The following GLIS3 variants were observed in gnomAD, a reference collection of about 807,000 sequenced individuals.
The protein encoded by GLIS3 is GLIS family zinc finger 3, also known as zinc finger protein GLIS3.
In GLIS3, 53 loss-of-function variants were observed where a neutral mutation model predicts 78.6. That is an observed-to-expected ratio of 0.67 (90% CI 0.54 to 0.85). The LOEUF (loss-of-function observed/expected upper bound fraction) is 0.85, where lower values mean the gene tolerates loss of function less well. Among genes scored for constraint, GLIS3 ranks in the 40% least tolerant of loss-of-function variants. The pLI is 0.00. For synonymous variants in GLIS3, 684 were observed against 509.9 expected, an observed-to-expected ratio of 1.34 and a Z score of -4.60; for missense variants, 1,703 against 1,231.1, an observed-to-expected ratio of 1.38 and a Z score of -5.74.
chr9:4,470,281 C>A, the GLIS3 span, among the ~76,000 whole-genome samples: 6 of 151,996 alleles, frequency 3.9e-5, no homozygotes, highest in African/African-American at 1.5e-4. Flanking sequence ...TGATTGCAAA[C>A]CCTGGCAGAG....
At chr9:4,189,539 T>A (rs1298462132) in intron 2 of GLIS3, among the ~76,000 whole-genome samples, 2 of 152,202 alleles carry the variant, frequency 1.3e-5, no homozygotes, top group African/African-American at 4.8e-5. Context: ...GTTCAATTCC[T>A]GGGTATCGTT....
chr9:4,002,926 C>T (rs1821231116), intron 4 of GLIS3, among the ~76,000 whole-genome samples: 1 of 152,238 alleles, frequency 6.6e-6, no homozygotes, highest in African/African-American at 2.4e-5. Context: ...TCCACAACGA[C>T]ATGGCTCTGA....
chr9:3,934,605 C>T (rs560666097), intron 5 of GLIS3, among the ~76,000 whole-genome samples: 50 of 152,268 alleles, frequency 3.3e-4, no homozygotes, highest in Non-Finnish European at 5.6e-4. Flanking sequence ...GATGGCGTTT[C>T]GCCATGTTGG....
chr9:4,470,025 A>G, the GLIS3 span, among the ~76,000 whole-genome samples: 2 of 152,234 alleles, frequency 1.3e-5, no homozygotes, highest in Admixed American at 1.3e-4. Context: ...AAATTCCTGG[A>G]CACATACACC....
chr9:3,932,558 G>A (rs1051918362), intron 5 of GLIS3, 88 bp from the exon 6 acceptor site: 12 of 939,302 alleles, frequency 1.3e-5, no homozygotes, highest in African/African-American at 6.5e-5. Flanking sequence ...TGACTTCAGA[G>A]CATGAACTGT....
chr9:4,165,108 G>A (rs1002466245), intron 2 of GLIS3, among the ~76,000 whole-genome samples: 1 of 152,102 alleles, frequency 6.6e-6, no homozygotes, highest in African/African-American at 2.4e-5. Flanking sequence ...GAGAACAGAG[G>A]CTGGAGGGGC....
the GLIS3 span, among the ~76,000 whole-genome samples, chr9:4,402,950 A>T: frequency 2.0e-5 from 3 of 152,224 alleles, no homozygotes; most frequent in African/African-American, 7.2e-5. Context: ...AGATATCAAC[A>T]TTCAAGTATG....
chr9:4,159,400 C>T (rs1344784065), intron 2 of GLIS3, among the ~76,000 whole-genome samples: 1 of 152,164 alleles, frequency 6.6e-6, no homozygotes, highest in Non-Finnish European at 1.5e-5. Context: ...GGAGAAGGTA[C>T]TTATAGTTAT....
Position 3,830,279 on chromosome 9 carries a change from C to G in GLIS3, c.2474-787G>C, listed in dbSNP as rs183804239. Among the ~76,000 whole-genome samples the G allele has an allele frequency of 1.5e-4, 23 of 152,284 alleles. 1 individual carries two copies. The highest frequency in any genetic ancestry group is 2.6e-4 in the Admixed American group (4 of 15,298). On this transcript the variant is annotated intron_variant, in intron 9 of 10. Transcript: ENST00000381971. ...CTTCTCTATGATCCTCCACTCCTTT[C>G]ATGATGGCTTACTTTTTTCTTCTTT...
chr9:3,955,047 G>A (rs537916649), intron 4 of GLIS3, among the ~76,000 whole-genome samples: 12 of 152,318 alleles, frequency 7.9e-5, no homozygotes, highest in African/African-American at 2.4e-4. Flanking sequence ...GGGAATTCAC[G>A]ACGTAGAGGG....
intron 6 of GLIS3, among the ~76,000 whole-genome samples, chr9:3,916,984 A>G (rs1824553955): frequency 6.6e-6 from 1 of 152,218 alleles, no homozygotes; most frequent in Admixed American, 6.5e-5. Context: ...CAAGGGCACA[A>G]AGAGGTAACT....
At chr9:3,912,547 G>A (rs2130689437) in intron 6 of GLIS3, among the ~76,000 whole-genome samples, 1 of 152,268 alleles carries the variant, frequency 6.6e-6, no homozygotes, top group South Asian at 2.1e-4. Flanking sequence ...AGGTTCAAAA[G>A]GATGTTGAAA....
At chr9:3,832,601 TC>T (rs1818113087) in intron 9 of GLIS3, among the ~76,000 whole-genome samples, 1 of 152,202 alleles carries the variant, frequency 6.6e-6, no homozygotes, top group African/African-American at 2.4e-5. Context: ...TTTCAGTAGT[TC>T]CTTGGACTGA....
intron 2 of GLIS3, among the ~76,000 whole-genome samples, chr9:4,129,585 G>A (rs1052691167): frequency 4.6e-5 from 7 of 152,158 alleles, no homozygotes; most frequent in African/African-American, 1.7e-4. Flanking sequence ...TGTAACACAT[G>A]CCTGTTTCCC....
At chr9:4,316,783 CTTAGT>C (rs1817443347) in intron 2 of GLIS3, among the ~76,000 whole-genome samples, 1 of 152,182 alleles carries the variant, frequency 6.6e-6, no homozygotes. Flanking sequence ...ACATAATTAT[CTTAGT>C]TATTTTTATT....
intron 2 of GLIS3, among the ~76,000 whole-genome samples, chr9:4,195,361 G>A (rs1818722981): frequency 6.6e-6 from 1 of 152,348 alleles, no homozygotes; most frequent in African/African-American, 2.4e-5. Flanking sequence ...AGTTCTGGGT[G>A]GGCGTGGGCT....
intron 6 of GLIS3, among the ~76,000 whole-genome samples, chr9:3,926,549 T>C (rs1825268941): frequency 6.6e-6 from 1 of 151,514 alleles, no homozygotes. Context: ...TTTTAAAAAT[T>C]TGCAGCCAAT....
chr9:3,927,756 A>T (rs914677721), intron 6 of GLIS3, among the ~76,000 whole-genome samples: 7 of 152,210 alleles, frequency 4.6e-5, no homozygotes, highest in Admixed American at 6.5e-5. Flanking sequence ...TCCCATCACT[A>T]TGTAGCATCA....
At chr9:4,475,242 C>G in the GLIS3 span, among the ~76,000 whole-genome samples, 1 of 151,890 alleles carries the variant, frequency 6.6e-6, no homozygotes, top group Non-Finnish European at 1.5e-5. Context: ...GAAAAGGGCT[C>G]ACATAGAGGA....
Sources: gnomAD v4.1 joint callset for allele counts (sites outside exome capture counted in the v4.1 genomes callset) on GRCh38, gnomAD v4.1.1 for gene constraint, MANE v1.5 for transcripts, NCBI Gene and HGNC (gene_info 2026-07-23, HGNC 2026-07-21) for gene names.